Variants in EXOC6 observed in about 807,000 individuals in gnomAD.
EXOC6 encodes the protein exocyst complex component 6, also known as SEC15-like 1.
EXOC6 carries 60 observed loss-of-function variants against 112.5 expected under a neutral mutation model. The observed-to-expected ratio is 0.53, with a 90% CI of 0.43 to 0.66. The LOEUF (loss-of-function observed/expected upper bound fraction) is 0.66, where lower values mean the gene tolerates loss of function less well. Ranked by LOEUF, EXOC6 falls within the 30% of genes least tolerant of loss-of-function variation. The probability of loss-of-function intolerance (pLI) is 0.00; values close to 1 mark genes in which losing one functional copy is unlikely to be tolerated. For synonymous variants in EXOC6, 295 were observed against 308.0 expected (o/e 0.96, Z 0.44); for missense variants, 855 against 957.1 (o/e 0.89, Z 1.41).
chr10:92,883,955 G>T (rs778342946), intron 1 of EXOC6, among the ~76,000 whole-genome samples: 1 of 152,126 alleles, frequency 6.6e-6, no homozygotes, highest in Non-Finnish European at 1.5e-5. Context: ...GGAGTGCAGT[G>T]GTGCGATCTT....
At chr10:92,903,578 T>G (rs892710006) in intron 5 of EXOC6, among the ~76,000 whole-genome samples, 5 of 152,056 alleles carry the variant, frequency 3.3e-5, no homozygotes, top group Admixed American at 3.3e-4. Flanking sequence ...GTTTGGTATT[T>G]GGCTGTTTGT....
At chr10:92,884,441 C>T (rs1325469243) in intron 1 of EXOC6, among the ~76,000 whole-genome samples, 1 of 152,178 alleles carries the variant, frequency 6.6e-6, no homozygotes, top group Non-Finnish European at 1.5e-5. Context: ...GCTCTAGGTA[C>T]TTTCTCAAAT....
intron 20 of EXOC6, among the ~76,000 whole-genome samples, chr10:93,018,199 A>T (rs1006195889): frequency 1.3e-5 from 2 of 151,664 alleles, no homozygotes; most frequent in African/African-American, 2.4e-5. Context: ...AACCAGTTAT[A>T]AAAAAAAGGG....
chr10:92,897,439 A>G (rs185951160), intron 4 of EXOC6, among the ~76,000 whole-genome samples: 3 of 152,352 alleles, frequency 2.0e-5, no homozygotes, highest in Admixed American at 6.5e-5. Flanking sequence ...GGATCCTACA[A>G]TCTGTGAAAG....
chr10:93,052,126 C>A (rs1015094503), intron 20 of EXOC6, among the ~76,000 whole-genome samples: 6 of 152,134 alleles, frequency 3.9e-5, no homozygotes, highest in Non-Finnish European at 8.8e-5. Flanking sequence ...AGACCCAAAA[C>A]AAAGAAAGCT....
chr10:92,967,192 CT>C (rs11347285), intron 17 of EXOC6, among the ~76,000 whole-genome samples: 39,094 of 151,140 alleles, frequency 0.26, 5,127 homozygotes, highest in Middle Eastern at 0.36. Context: ...GATATTAGCC[CT>C]TTGTCAGATG....
intron 17 of EXOC6, among the ~76,000 whole-genome samples, chr10:92,957,927 T>C (rs923893084): frequency 6.6e-6 from 1 of 152,002 alleles, no homozygotes; most frequent in Non-Finnish European, 1.5e-5. Context: ...CTTAGCCTGA[T>C]TTTTTTTCAG....
intron 1 of EXOC6, among the ~76,000 whole-genome samples, chr10:92,865,403 GCGTGCGC>G (rs1848125728): frequency 6.6e-6 from 1 of 152,030 alleles, no homozygotes; most frequent in Non-Finnish European, 1.5e-5. Flanking sequence ...AGGCGTGGTG[GCGTGCGC>G]CTGTAATCCC....
intron 20 of EXOC6, among the ~76,000 whole-genome samples, chr10:93,047,223 G>A (rs376339813): frequency 2.0e-4 from 30 of 152,226 alleles, no homozygotes; most frequent in African/African-American, 6.7e-4. Flanking sequence ...TAGGACAGGC[G>A]TAGTAATAGT....
At chr10:92,913,277 C>T (rs1850902474) in intron 6 of EXOC6, among the ~76,000 whole-genome samples, 1 of 152,118 alleles carries the variant, frequency 6.6e-6, no homozygotes, top group African/African-American at 2.4e-5. Flanking sequence ...ACTATCAATT[C>T]TGCTTCTAAA....
chr10:92,910,673 G>A (rs945034346), intron 6 of EXOC6, among the ~76,000 whole-genome samples: 1 of 152,156 alleles, frequency 6.6e-6, no homozygotes, highest in East Asian at 1.9e-4. Flanking sequence ...GCTCACACCT[G>A]TAATCCCAGC....
chr10:92,974,598 G>A (rs868411446), intron 18 of EXOC6, among the ~76,000 whole-genome samples: 2 of 14,102 alleles, frequency 1.4e-4, no homozygotes, highest in South Asian at 4.1e-3. Flanking sequence ...CTCTTTCCAC[G>A]TCTCCCTCTG....
chr10:92,968,367 G>A (rs749454590), intron 17 of EXOC6, among the ~76,000 whole-genome samples: 2 of 151,686 alleles, frequency 1.3e-5, no homozygotes, highest in Non-Finnish European at 2.9e-5. Context: ...TTATTTTTTG[G>A]TAGAGACAGA....
At chr10:93,016,620 C>T (rs146158790) in intron 20 of EXOC6, among the ~76,000 whole-genome samples, 1 of 152,232 alleles carries the variant, frequency 6.6e-6, no homozygotes, top group African/African-American at 2.4e-5. Context: ...ATGTGAGAAA[C>T]ATTGTCAAAT....
At chr10:92,990,040 C>G (rs893327078) in intron 18 of EXOC6, among the ~76,000 whole-genome samples, 2 of 151,886 alleles carry the variant, frequency 1.3e-5, no homozygotes, top group Non-Finnish European at 2.9e-5. Context: ...TAATATATCC[C>G]TGTATTGGAA....
intron 20 of EXOC6, among the ~76,000 whole-genome samples, chr10:93,029,081 G>A (rs938988709): frequency 1.3e-5 from 2 of 152,190 alleles, no homozygotes; most frequent in Middle Eastern, 3.4e-3. Context: ...ATCACCACCC[G>A]AATGAGTCAG....
intron 20 of EXOC6, among the ~76,000 whole-genome samples, chr10:93,046,098 G>A (rs2134351330): frequency 6.6e-6 from 1 of 152,260 alleles, no homozygotes; most frequent in East Asian, 1.9e-4. Flanking sequence ...TGTATCAAAA[G>A]GTAACATATG....
At chr10:92,842,468 T>C (rs1846893371) in intron 1 of EXOC6, among the ~76,000 whole-genome samples, 1 of 150,650 alleles carries the variant, frequency 6.6e-6, no homozygotes, top group African/African-American at 2.4e-5. Flanking sequence ...ATCATCATCA[T>C]CATCATTTCA....
chr10:92,908,057 C>CTTTTTTT lies in EXOC6; in HGVS notation c.459-1356_459-1350dup, dbSNP rs10632745. 7.9e-5 allele frequency among the ~76,000 whole-genome samples: 8 copies of CTTTTTTT among 100,708 alleles called. 1 individual carries two copies. The highest frequency in any genetic ancestry group is 2.4e-4 in the African/African-American group (6 of 25,258). 66.1% of individuals were successfully genotyped at this position (100,708 alleles called of 152,430 possible). A position where few individuals can be genotyped will look rare whatever the true frequency, so the allele number is the denominator to read the frequency against. ...TTAAAACAGCTTTTGAATATAATGT[C>CTTTTTTT]TTTTTTTTTTTTTTTTTTTTGAGAA... is the stretch of plus-strand genomic sequence containing the variant. On this transcript the variant is annotated intron_variant, in intron 5 of 21. Coordinates refer to ENST00000260762, the MANE Select transcript of EXOC6 (RefSeq NM_019053.6).
Sources: allele counts gnomAD v4.1 joint callset (sites outside exome capture counted in the v4.1 genomes callset), GRCh38; gene constraint gnomAD v4.1.1; transcripts MANE v1.5; gene names NCBI Gene and HGNC (gene_info 2026-07-23, HGNC 2026-07-21).